Variants in NLRP5 observed in about 807,000 individuals in gnomAD.
The protein encoded by NLRP5 is NACHT, LRR and PYD domains-containing protein 5.
Under a neutral mutation model 113.1 loss-of-function variants are expected in NLRP5, and 93 were observed. That is an observed-to-expected ratio of 0.82 (90% CI 0.70 to 0.98). The LOEUF (loss-of-function observed/expected upper bound fraction) is 0.98, where lower values mean the gene tolerates loss of function less well. NLRP5 is among the 50% of genes least tolerant of loss of function. The probability of loss-of-function intolerance (pLI) is 0.00; values close to 1 mark genes in which losing one functional copy is unlikely to be tolerated. For synonymous variants in NLRP5, 751 were observed against 600.7 expected, an observed-to-expected ratio of 1.25 and a Z score of -3.66; for missense variants, 1,808 against 1,514.3, an observed-to-expected ratio of 1.19 and a Z score of -3.22.
chr19:56,020,934 C>T (rs1482194205), intron 6 of NLRP5, among the ~76,000 whole-genome samples: 893 of 144,026 alleles, frequency 6.2e-3, no homozygotes, highest in African/African-American at 0.023. Flanking sequence ...AGTGCAGTGG[C>T]GGTATCTCGG....
At chr19:56,005,107 A>AAAAAAAAAAAAAAAAAAAAATATATATAT (rs1173746273) in intron 2 of NLRP5, among the ~76,000 whole-genome samples, 1 of 95,344 alleles carries the variant, frequency 1.0e-5, no homozygotes, top group African/African-American at 3.9e-5. Context: ...AAAAAAAAAA[A>AAAAAAAAAAAAAAAAAAAAATATATATAT]ATATATATAT....
intron 1 of NLRP5, chr19:55,999,847 A>G: frequency 1.6e-6 from 2 of 1,278,720 alleles, no homozygotes; most frequent in South Asian, 2.4e-5. Context: ...GTACCATGAC[A>G]CACGGATCGA....
At chr19:56,000,682 TATTAA>T (rs1464366987) in intron 1 of NLRP5, among the ~76,000 whole-genome samples, 2 of 151,702 alleles carry the variant, frequency 1.3e-5, no homozygotes, top group Non-Finnish European at 2.9e-5. Flanking sequence ...TTGTAAAGCA[TATTAA>T]ATTACTAAAT....
At chr19:56,024,891 T>C (rs927237999) in intron 6 of NLRP5, among the ~76,000 whole-genome samples, 9 of 152,082 alleles carry the variant, frequency 5.9e-5, no homozygotes, top group Non-Finnish European at 1.0e-4. Context: ...CCAGGCAGTA[T>C]AGCAGGAGGG....
chr19:56,023,122 C>G (rs1402239103), intron 6 of NLRP5, among the ~76,000 whole-genome samples: 1 of 152,138 alleles, frequency 6.6e-6, no homozygotes, highest in Non-Finnish European at 1.5e-5. Flanking sequence ...AGGAAAGAAG[C>G]CCTCACGAAG....
intron 3 of NLRP5, among the ~76,000 whole-genome samples, chr19:56,010,717 G>T (rs1380741501): frequency 1.1e-5 from 1 of 91,804 alleles, no homozygotes; most frequent in African/African-American, 4.4e-5. Context: ...ACTCCAGCCT[G>T]GGAAACAAGA....
chr19:56,013,460 G>A (rs985789288), intron 3 of NLRP5, among the ~76,000 whole-genome samples: 3 of 151,928 alleles, frequency 2.0e-5, no homozygotes, highest in Admixed American at 1.3e-4. Context: ...CCAAAGTGCT[G>A]GGATTTTAAC....
At chr19:56,015,240 G>T (rs2123286670) in intron 3 of NLRP5, among the ~76,000 whole-genome samples, 1 of 152,208 alleles carries the variant, frequency 6.6e-6, no homozygotes, top group South Asian at 2.1e-4. Flanking sequence ...CACTCTTGTT[G>T]CCCAGGCTGG....
Position 56,027,511 on chromosome 19 carries a change from C to G in NLRP5, c.1278C>G (p.Tyr426Ter). 6.2e-7 allele frequency: 1 copy of G among 1,613,974 alleles called. No homozygotes were observed. The highest frequency in any genetic ancestry group is 8.5e-7 in the Non-Finnish European group (1 of 1,179,886). The change falls in exon 7 of 15, where the codon TAC (tyrosine) becomes TAG (stop). Residue 426 changes from tyrosine to a stop codon, truncating the protein, a stop_gained. Coordinates refer to ENST00000390649, the MANE Select transcript of NLRP5 (RefSeq NM_153447.4). LOFTEE classifies it high-confidence loss of function. ...AGTCAGAGGTCGTGTCTCCCCGTTA[C>G]CTGTTAGTTAGAGGAATCTCCGGGG...
Position 56,053,807 on chromosome 19 carries a change from G to A in NLRP5, c.3298G>A (p.Gly1100Arg), listed in dbSNP as rs539921636. 107 of 1,612,634 alleles carry A rather than the reference G, an allele frequency of 6.6e-5. No homozygotes were observed. Among genetic ancestry groups the A allele is most frequent in the South Asian group, 1.5e-4 (14 of 91,024 alleles). ...AAAGAACAGTGTTCTGGCGAGACTC[G>A]GGTAACTTCCTGGGGCGCCTCTTTG... The change falls in exon 13 of 15, where the codon GGG becomes AGG. Residue 1100 changes from glycine (G) to arginine (R), a missense_variant and splice_region_variant. Physicochemically the swap from Gly to Arg is moderately radical, Grantham distance 125. Transcript: ENST00000390649.
chr19:55,992,991 G>A, the NLRP5 span, among the ~76,000 whole-genome samples: 6 of 151,694 alleles, frequency 4.0e-5, no homozygotes, highest in South Asian at 2.1e-4. Context: ...CTGGGATTAC[G>A]GGCACCTGCC....
At chr19:56,043,577 T>G (rs1207665135) in intron 11 of NLRP5, among the ~76,000 whole-genome samples, 4 of 41,524 alleles carry the variant, frequency 9.6e-5, no homozygotes, top group African/African-American at 2.6e-4. Flanking sequence ...TTTTTTTTTT[T>G]TTTTTTGAGA....
the NLRP5 span, among the ~76,000 whole-genome samples, chr19:55,994,411 G>A: frequency 6.6e-6 from 1 of 151,792 alleles, no homozygotes; most frequent in Non-Finnish European, 1.5e-5. Flanking sequence ...GGTTTTTTTG[G>A]GAGGGGGGAC....
chr19:56,037,015 C>T lies in NLRP5; in HGVS notation c.2616-1010C>T, dbSNP rs10421244. On this transcript the variant is annotated intron_variant, in intron 9 of 14. Coordinates refer to ENST00000390649, the MANE Select transcript of NLRP5 (RefSeq NM_153447.4). Reference sequence around the variant, plus strand: ...CATCTCTGCCCTAGCCAGGTACTGGCCTAAGTGTTTCGTGGCTATTCTAAT... The same window carrying T: ...CATCTCTGCCCTAGCCAGGTACTGGTCTAAGTGTTTCGTGGCTATTCTAAT... Among the ~76,000 whole-genome samples, 811 of 152,202 alleles carry T rather than the reference C, an allele frequency of 5.3e-3. 4 individuals carry two copies. Among genetic ancestry groups the T allele is most frequent in the African/African-American group, 0.018 (735 of 41,534 alleles).
chr19:56,042,215 T>C (rs1269664033), intron 11 of NLRP5, among the ~76,000 whole-genome samples: 1 of 152,232 alleles, frequency 6.6e-6, no homozygotes, highest in Non-Finnish European at 1.5e-5. Context: ...ACAGAATCCA[T>C]AAATAATGAG....
At chr19:56,052,375 TCTC>T (rs1983964931) in intron 12 of NLRP5, among the ~76,000 whole-genome samples, 2 of 152,138 alleles carry the variant, frequency 1.3e-5, no homozygotes, top group Admixed American at 6.5e-5. Flanking sequence ...TTCAAGCAAT[TCTC>T]CTGCCTCAGC....
At chr19:56,061,255 A>G (rs1407099851) in intron 14 of NLRP5, 141 bp from the exon 15 acceptor site, 11 of 749,024 alleles carry the variant, frequency 1.5e-5, no homozygotes, top group Non-Finnish European at 2.0e-5. Flanking sequence ...TTTGTTAGTC[A>G]TTGGTTTAAC....
chr19:56,045,854 G>C (rs535940906), intron 11 of NLRP5, among the ~76,000 whole-genome samples: 3 of 152,306 alleles, frequency 2.0e-5, no homozygotes, highest in African/African-American at 7.2e-5. Flanking sequence ...TACAATGATA[G>C]AATGTTGCAG....
chr19:56,007,886 TGTGCGC>T (rs920981856), intron 2 of NLRP5, among the ~76,000 whole-genome samples: 10 of 90,028 alleles, frequency 1.1e-4, no homozygotes, highest in East Asian at 3.0e-4. Context: ...TGTGTGTGTG[TGTGCGC>T]GTGCGCGCGT....
Sources: gnomAD v4.1 joint callset for allele counts (sites outside exome capture counted in the v4.1 genomes callset) on GRCh38, gnomAD v4.1.1 for gene constraint, MANE v1.5 for transcripts, NCBI Gene and HGNC (gene_info 2026-07-23, HGNC 2026-07-21) for gene names.